The following ADISSP variants were observed in gnomAD, a reference collection of about 807,000 sequenced individuals.
The protein encoded by ADISSP is adipose-secreted signaling protein.
At chr20:3,754,585 C>T in the ADISSP span, 2 of 1,550,436 alleles carry the variant, frequency 1.3e-6, no homozygotes, top group Non-Finnish European at 8.9e-7. Context: ...CCCTGGCACT[C>T]ACGGGCCCCT....
chr20:3,754,907 AGGT>A, the ADISSP span, among the ~76,000 whole-genome samples: 2 of 152,114 alleles, frequency 1.3e-5, no homozygotes, highest in Non-Finnish European at 2.9e-5. Context: ...CGATGGCAAG[AGGT>A]AAAGGCCTGA....
chr20:3,765,846 G>A, the ADISSP span, among the ~76,000 whole-genome samples: 1 of 152,090 alleles, frequency 6.6e-6, no homozygotes, highest in Non-Finnish European at 1.5e-5. Context: ...GAACATCCTG[G>A]GAAACTGGGA....
At chr20:3,760,181 G>A in the ADISSP span, 1,103 of 1,222,610 alleles carry the variant, frequency 9.0e-4, 4 homozygotes, top group South Asian at 1.9e-3. Context: ...GGACACCAGC[G>A]GGAGCCTGAA....
chr20:3,755,557 G>C, the ADISSP span: 1 of 1,613,298 alleles, frequency 6.2e-7, no homozygotes, highest in Non-Finnish European at 8.5e-7. Flanking sequence ...TGTGCACTGG[G>C]GGCAGAGTGA....
At chr20:3,758,572 C>T in the ADISSP span, 19 of 1,613,582 alleles carry the variant, frequency 1.2e-5, no homozygotes, top group Non-Finnish European at 1.4e-5. This position sits in a 1 kb window ranked among gnomAD's most constrained non-coding sequence, Gnocchi z 5.5. Context: ...CCTGGGTGAC[C>T]ATGACCACCG....
At chr20:3,764,104 T>C in the ADISSP span, among the ~76,000 whole-genome samples, 1 of 152,186 alleles carries the variant, frequency 6.6e-6, no homozygotes. Flanking sequence ...CCCAGGGAAC[T>C]TGGTCTTGGA....
At chr20:3,754,623 T>G in the ADISSP span, 597 of 1,067,362 alleles carry the variant, frequency 5.6e-4, no homozygotes, top group Non-Finnish European at 7.5e-4. Flanking sequence ...GACTGCATGC[T>G]AAGCCCCCCC....
chr20:3,756,170 C>A, the ADISSP span, among the ~76,000 whole-genome samples: 1 of 152,220 alleles, frequency 6.6e-6, no homozygotes, highest in Non-Finnish European at 1.5e-5. Context: ...TGACAGTAGA[C>A]CAGCTGTGTC....
chr20:3,756,925 G>A, the ADISSP span, among the ~76,000 whole-genome samples: 15 of 152,124 alleles, frequency 9.9e-5, no homozygotes, highest in Non-Finnish European at 4.4e-5. Flanking sequence ...GTTCACAACA[G>A]AAGCAAGCAA....
At chr20:3,755,334 C>T in the ADISSP span, 2 of 768,866 alleles carry the variant, frequency 2.6e-6, no homozygotes, top group Non-Finnish European at 4.3e-6. Flanking sequence ...TGCCATGCTG[C>T]CACAGTGCAA....
At chr20:3,754,849 G>A in the ADISSP span, among the ~76,000 whole-genome samples, 1 of 152,204 alleles carries the variant, frequency 6.6e-6, no homozygotes, top group Non-Finnish European at 1.5e-5. Flanking sequence ...AGGGAGAGGC[G>A]GTGATGAGGA....
the ADISSP span, among the ~76,000 whole-genome samples, chr20:3,757,019 T>C: frequency 1.0e-5 from 1 of 97,692 alleles, no homozygotes. Context: ...ACCATAGTGT[T>C]TTCAGAAAAA....
the ADISSP span, among the ~76,000 whole-genome samples, chr20:3,766,355 G>C: frequency 6.6e-6 from 1 of 150,540 alleles, no homozygotes; most frequent in Non-Finnish European, 1.5e-5. Flanking sequence ...CATCAACTCA[G>C]CTTTAATGTG....
chr20:3,758,745 C>G, the ADISSP span: 1 of 1,505,386 alleles, frequency 6.6e-7, no homozygotes, highest in Non-Finnish European at 9.1e-7. This position sits in a 1 kb window ranked among gnomAD's most constrained non-coding sequence, Gnocchi z 5.5. Flanking sequence ...CCCTTGTCCC[C>G]TCGTCACCCC....
chr20:3,756,797 AAACAGCCGT>A, the ADISSP span, among the ~76,000 whole-genome samples: 4 of 152,164 alleles, frequency 2.6e-5, no homozygotes, highest in African/African-American at 9.7e-5. Flanking sequence ...ATGAAAACAA[AAACAGCCGT>A]AACACCCAGG....
At chr20:3,759,248 G>C in the ADISSP span, among the ~76,000 whole-genome samples, 51,251 of 152,082 alleles carry the variant, frequency 0.34, 10,744 homozygotes, top group African/African-American at 0.59. The surrounding 1 kb of genome is among the most constrained non-coding windows in gnomAD (Gnocchi z 4.6). Flanking sequence ...GCAGCTGCCA[G>C]TAAACCTCAC....
At chr20:3,760,333 G>T in the ADISSP span, 1 of 523,402 alleles carries the variant, frequency 1.9e-6, no homozygotes, top group Non-Finnish European at 3.5e-6. Flanking sequence ...TAGCACGGGG[G>T]CTTCTGCCCA....
the ADISSP span, chr20:3,755,641 T>C: frequency 6.4e-7 from 1 of 1,568,154 alleles, no homozygotes; most frequent in South Asian, 1.2e-5. Flanking sequence ...GGAGGCACCT[T>C]CACTTCCTGC....
the ADISSP span, among the ~76,000 whole-genome samples, chr20:3,758,239 G>C: frequency 6.6e-6 from 1 of 152,202 alleles, no homozygotes; most frequent in Non-Finnish European, 1.5e-5. This position sits in a 1 kb window ranked among gnomAD's most constrained non-coding sequence, Gnocchi z 5.5. Flanking sequence ...AGAATGGCTG[G>C]CCTAGACCTG....
Sources: gnomAD v4.1 joint callset for allele counts (sites outside exome capture counted in the v4.1 genomes callset) on GRCh38, gnomAD v4.1.1 for gene constraint, Gnocchi (gnomAD v3.1) non-coding constraint, MANE v1.5 for transcripts, NCBI Gene and HGNC (gene_info 2026-07-23, HGNC 2026-07-21) for gene names.